The following LYRM4 variants were observed in gnomAD, a reference collection of about 807,000 sequenced individuals.
LYRM4 encodes the protein LYR motif containing 4.
In LYRM4, 9 loss-of-function variants were observed where a neutral mutation model predicts 11.7. That is an observed-to-expected ratio of 0.77 (90% CI 0.46 to 1.34). The LOEUF is 1.34. LYRM4 is among the 40% of genes most tolerant of loss of function. LYRM4 has a pLI of 0.00. For synonymous variants in LYRM4, 42 were observed against 40.4 expected (o/e 1.04, Z -0.15); for missense variants, 133 against 112.5 (o/e 1.18, Z -0.82).
chr6:5,173,649 A>G (rs936022367), intron 2 of LYRM4, among the ~76,000 whole-genome samples: 7 of 152,238 alleles, frequency 4.6e-5, no homozygotes, highest in Middle Eastern at 3.2e-3. Flanking sequence ...TCAATATTTC[A>G]TATTTTCAAC....
chr6:5,041,615 A>AT, the LYRM4 span, among the ~76,000 whole-genome samples: 2 of 152,270 alleles, frequency 1.3e-5, no homozygotes, highest in Middle Eastern at 3.4e-3. Context: ...ACTGCTGTGA[A>AT]TTTTTTTGTC....
chr6:5,106,989 C>G (rs2127591465), downstream of LYRM4: 1 of 152,386 alleles, frequency 6.6e-6, no homozygotes, highest in East Asian at 1.9e-4. Flanking sequence ...TTATTCGAAG[C>G]TCTAGCATCA....
intron 2 of LYRM4, among the ~76,000 whole-genome samples, chr6:5,170,776 AC>A (rs766205614): frequency 6.6e-5 from 10 of 152,238 alleles, no homozygotes; most frequent in Non-Finnish European, 8.8e-5. Context: ...TACTGGGTAT[AC>A]ATTTTGACCT....
chr6:5,078,238 CTTT>C, the LYRM4 span, among the ~76,000 whole-genome samples: 3 of 142,328 alleles, frequency 2.1e-5, no homozygotes, highest in Non-Finnish European at 3.1e-5. Flanking sequence ...CAGCTGGGTA[CTTT>C]TTTTTTTTTT....
chr6:5,087,056 C>A, the LYRM4 span: 1 of 155,500 alleles, frequency 6.4e-6, no homozygotes, highest in South Asian at 2.0e-4. Context: ...ACGCGTGGGA[C>A]CTTTACACCC....
At chr6:5,125,383 G>A (rs139667396) in intron 2 of LYRM4, among the ~76,000 whole-genome samples, 251 of 152,296 alleles carry the variant, frequency 1.6e-3, no homozygotes, top group Admixed American at 4.3e-3. Context: ...CTAGGCAGCC[G>A]GGATGGAGCC....
At chr6:5,238,856 T>G (rs569574601) in intron 1 of LYRM4, among the ~76,000 whole-genome samples, 1 of 152,340 alleles carries the variant, frequency 6.6e-6, no homozygotes, top group Non-Finnish European at 1.5e-5. Flanking sequence ...TTGGACACAG[T>G]TATTCATAGT....
chr6:5,034,449 G>A, the LYRM4 span: 1 of 152,270 alleles, frequency 6.6e-6, no homozygotes, highest in South Asian at 2.1e-4. Flanking sequence ...TTGGGTTATG[G>A]AATCTGGTCC....
At chr6:5,110,137 A>G (rs928750755) in intron 2 of LYRM4, among the ~76,000 whole-genome samples, 3 of 152,238 alleles carry the variant, frequency 2.0e-5, no homozygotes, top group Non-Finnish European at 4.4e-5. Context: ...TTCCTCTGCA[A>G]CAAAGGGTCT....
At position 5,251,427 on chromosome 6, in the gene LYRM4, T is replaced by G. The variant is rs185079210; in HGVS notation, c.86+9221A>C. 5.3e-5 allele frequency among the ~76,000 whole-genome samples: 8 copies of G among 152,334 alleles called. No individual in the cohort carries two copies. In the South Asian group the frequency reaches 1.2e-3, roughly 24 times the overall value. ...TCTGCAGGCTGTACAGGAATTGTGA[T>G]GCTGGCATCTGCTCAGCTTTTGGGG... On this transcript the variant is annotated intron_variant, in intron 1 of 2. Coordinates refer to ENST00000330636, the MANE Select transcript of LYRM4 (RefSeq NM_020408.6).
chr6:5,143,923 T>C (rs558922964), intron 2 of LYRM4, among the ~76,000 whole-genome samples: 2 of 152,354 alleles, frequency 1.3e-5, no homozygotes, highest in East Asian at 3.9e-4. Context: ...CTCAATGTTA[T>C]ATATGCATTA....
chr6:5,056,175 G>A, the LYRM4 span, among the ~76,000 whole-genome samples: 7 of 152,114 alleles, frequency 4.6e-5, no homozygotes, highest in South Asian at 2.1e-4. Context: ...TGGCTTTTTT[G>A]CAAATCTTTT....
the LYRM4 span, among the ~76,000 whole-genome samples, chr6:5,040,164 A>T: frequency 7.9e-5 from 12 of 152,098 alleles, no homozygotes; most frequent in South Asian, 2.1e-4. Flanking sequence ...AAAAAATATT[A>T]AAAAATTAGC....
At chr6:5,078,691 A>G in the LYRM4 span, among the ~76,000 whole-genome samples, 1 of 152,220 alleles carries the variant, frequency 6.6e-6, no homozygotes, top group Non-Finnish European at 1.5e-5. Context: ...TGTTTTTTTC[A>G]AATTCATTGC....
chr6:5,257,556 G>A (rs879216442), intron 1 of LYRM4, among the ~76,000 whole-genome samples: 5 of 152,196 alleles, frequency 3.3e-5, no homozygotes, highest in African/African-American at 1.2e-4. Context: ...CTGGTCCGTG[G>A]CCTGTTAGGA....
chr6:5,144,991 GAGA>G (rs1757637414), intron 2 of LYRM4, among the ~76,000 whole-genome samples: 1 of 152,222 alleles, frequency 6.6e-6, no homozygotes, highest in Non-Finnish European at 1.5e-5. Flanking sequence ...GTGGCTCCCG[GAGA>G]AGGACACACT....
chr6:5,171,940 C>A (rs531182271), intron 2 of LYRM4, among the ~76,000 whole-genome samples: 64 of 152,270 alleles, frequency 4.2e-4, no homozygotes, highest in African/African-American at 1.5e-3. Flanking sequence ...CTGTAAATCA[C>A]CACTCCATTG....
At chr6:5,257,275 C>T (rs1285629245) in intron 1 of LYRM4, among the ~76,000 whole-genome samples, 2 of 152,148 alleles carry the variant, frequency 1.3e-5, no homozygotes, top group African/African-American at 2.4e-5. Flanking sequence ...ATCATACTTA[C>T]CTCCCTGGCA....
chr6:5,248,019 G>T (rs1287292085), intron 1 of LYRM4, among the ~76,000 whole-genome samples: 1 of 152,212 alleles, frequency 6.6e-6, no homozygotes, highest in East Asian at 1.9e-4. Flanking sequence ...CCTGCTTTAA[G>T]ATCATGCCTG....
Sources: gnomAD v4.1 joint callset for allele counts (sites outside exome capture counted in the v4.1 genomes callset) on GRCh38, gnomAD v4.1.1 for gene constraint, MANE v1.5 for transcripts, NCBI Gene and HGNC (gene_info 2026-07-23, HGNC 2026-07-21) for gene names.